PKHD1L1: variants seen among roughly 807,000 people sequenced by gnomAD.
PKHD1L1 encodes the protein fibrocystin-L.
Under a neutral mutation model 462.9 loss-of-function variants are expected in PKHD1L1, and 434 were observed. The observed-to-expected ratio is 0.94, with a 90% CI of 0.87 to 1.02. The LOEUF is 1.02. Among genes scored for constraint, PKHD1L1 ranks in the 50% least tolerant of loss-of-function variants. The probability of loss-of-function intolerance (pLI) is 0.00; values close to 1 mark genes in which losing one functional copy is unlikely to be tolerated. For synonymous variants in PKHD1L1, 1,781 were observed against 1,750.0 expected, an observed-to-expected ratio of 1.02 and a Z score of -0.44; for missense variants, 5,202 against 5,096.1, an observed-to-expected ratio of 1.02 and a Z score of -0.63.
At chr8:109,513,022 C>T (rs2130996547) in intron 71 of PKHD1L1, among the ~76,000 whole-genome samples, 1 of 151,794 alleles carries the variant, frequency 6.6e-6, no homozygotes, top group Non-Finnish European at 1.5e-5. Context: ...TATAAGAATG[C>T]TTGTGATTTT....
In PKHD1L1 at chr8:109,382,597, T is replaced by C. The variant is rs1456539939; in HGVS notation, c.417+26T>C. 3 of 1,563,352 alleles carry C rather than the reference T, an allele frequency of 1.9e-6. No individual in the cohort carries two copies. The East Asian group carries it at 7.0e-5, about 36-fold the overall frequency. Reference sequence around the variant, plus strand: ...GTATGTAGGAATCTTCTCTTCAGTTTATGTATAGTTGATCTTGCTTTCTTT... The same window carrying C: ...GTATGTAGGAATCTTCTCTTCAGTTCATGTATAGTTGATCTTGCTTTCTTT... On this transcript the variant is annotated intron_variant, in intron 4 of 77. Transcript: ENST00000378402.
intron 56 of PKHD1L1, among the ~76,000 whole-genome samples, chr8:109,481,906 T>C (rs1818293674): frequency 6.6e-6 from 1 of 151,840 alleles, no homozygotes; most frequent in African/African-American, 2.4e-5. Context: ...GTTTTCTTTA[T>C]GTAAGCAATA....
chr8:109,474,264 G>C (rs1057063840), intron 50 of PKHD1L1, among the ~76,000 whole-genome samples: 1 of 152,058 alleles, frequency 6.6e-6, no homozygotes, highest in Non-Finnish European at 1.5e-5. Context: ...AAAATAAGAG[G>C]TTGTTACTTT....
intron 38 of PKHD1L1, among the ~76,000 whole-genome samples, chr8:109,445,887 T>A (rs1359193750): frequency 2.0e-5 from 3 of 152,210 alleles, no homozygotes; most frequent in Admixed American, 2.0e-4. Context: ...CCCATTAACC[T>A]GACCTAAATT....
intron 32 of PKHD1L1, among the ~76,000 whole-genome samples, chr8:109,439,571 C>G (rs566631023): frequency 7.9e-5 from 12 of 152,190 alleles, no homozygotes; most frequent in Admixed American, 7.2e-4. Context: ...AGAGAGCTAA[C>G]TTATCCTGAG....
In PKHD1L1 at chr8:109,362,547, C is replaced by G. The variant is rs1364536633; in HGVS notation, c.-34C>G. On this transcript the variant is annotated 5_prime_UTR_variant, in exon 1 of 78. Transcript: ENST00000378402. ...CTCCAGCACTAGAGCCAGCTGCGAG[C>G]GGAGGGCACCAACTCCGCAGAACTG... The G allele has an allele frequency of 1.3e-6, 2 of 1,568,460 alleles. No individual in the cohort carries two copies. The highest frequency in any genetic ancestry group is 1.7e-6 in the Non-Finnish European group (2 of 1,153,198).
chr8:109,465,351 A>G, intron 49 of PKHD1L1, 106 bp downstream of exon 49: 1 of 1,180,976 alleles, frequency 8.5e-7, no homozygotes, highest in Non-Finnish European at 1.2e-6. Context: ...GATCTTACCC[A>G]ATAGCAAACT....
chr8:109,411,773 A>T (rs1429208589), intron 19 of PKHD1L1, among the ~76,000 whole-genome samples: 1 of 152,012 alleles, frequency 6.6e-6, no homozygotes, highest in Admixed American at 6.6e-5. Flanking sequence ...TAAAGACTTA[A>T]CTCATTTGTC....
chr8:109,438,614 T>C (rs1815579599), intron 31 of PKHD1L1, among the ~76,000 whole-genome samples, 158 bp downstream of exon 31: 1 of 152,142 alleles, frequency 6.6e-6, no homozygotes, highest in African/African-American at 2.4e-5. Context: ...TTAATCTATT[T>C]ATTATTTTAT....
Position 109,475,258 on chromosome 8 carries a change from T to C in PKHD1L1, c.8746T>C (p.Tyr2916His), listed in dbSNP as rs992669204. ...ITNISYTSTF[Y>H]GFKEEDYVII... ...CAACATTTCATATACATCGACATTCTATGGATTCAAGGTAAAAATATTTAT... is the reference window on the plus strand; with the variant it reads ...CAACATTTCATATACATCGACATTCCATGGATTCAAGGTAAAAATATTTAT... The change falls in exon 51 of 78, where the codon TAT (tyrosine) becomes CAT (histidine). Residue 2916 changes from tyrosine to histidine, a missense_variant. Physicochemically the swap from Tyr to His is moderately conservative, Grantham distance 83 (BLOSUM62 2). Around this residue, in one of 3 missense-constraint regions of PKHD1L1, gnomAD observed 4,497 missense variants for 4,336.8 expected, o/e 1.04. Transcript: ENST00000378402. The C allele has an allele frequency of 6.2e-7, 1 of 1,604,704 alleles. No individual in the cohort carries two copies. Among genetic ancestry groups the C allele is most frequent in the African/African-American group, 1.3e-5 (1 of 74,642 alleles).
At chr8:109,452,918 A>G in intron 43 of PKHD1L1, 44 bp downstream of exon 43, 4 of 1,282,526 alleles carry the variant, frequency 3.1e-6, no homozygotes, top group Non-Finnish European at 4.0e-6. Flanking sequence ...CCTGATAAAT[A>G]TTTCTGTGAA....
At chr8:109,391,693 C>G (rs1812720833) in intron 9 of PKHD1L1, among the ~76,000 whole-genome samples, 1 of 152,066 alleles carries the variant, frequency 6.6e-6, no homozygotes, top group South Asian at 2.1e-4. Flanking sequence ...TCTTTTTTGT[C>G]TCTGAACAAT....
chr8:109,450,638 C>G lies in PKHD1L1; in HGVS notation c.6176-337C>G, dbSNP rs1434069578. On this transcript the variant is annotated intron_variant, in intron 40 of 77. Transcript: ENST00000378402. ...TCACTCCTTGCTGTTGTCAGTGTGC[C>G]TGCCTTTAAGCAGTTCTTCCCTCCT... 4.6e-5 allele frequency among the ~76,000 whole-genome samples: 7 copies of G among 152,126 alleles called. No individual in the cohort carries two copies. The South Asian group carries it at 1.2e-3, about 27-fold the overall frequency.
intron 1 of PKHD1L1, among the ~76,000 whole-genome samples, chr8:109,364,302 G>A (rs965745367): frequency 2.6e-5 from 4 of 152,158 alleles, no homozygotes; most frequent in Admixed American, 1.3e-4. Context: ...AAATGATCAC[G>A]TGTTATTTTT....
intron 38 of PKHD1L1, among the ~76,000 whole-genome samples, chr8:109,446,423 A>G (rs1816143860): frequency 6.6e-6 from 1 of 152,222 alleles, no homozygotes; most frequent in African/African-American, 2.4e-5. Flanking sequence ...AGGTACATAC[A>G]TTATAAAGTT....
chr8:109,412,399 G>A lies in PKHD1L1; in HGVS notation c.2220G>A (p.Leu740=). The A allele has an allele frequency of 6.2e-7, 1 of 1,611,602 alleles. No homozygotes were observed. Among genetic ancestry groups the A allele is most frequent in the Non-Finnish European group, 8.5e-7 (1 of 1,178,722 alleles). Residue 740 remains leucine (L), a synonymous_variant, in exon 20 of 78, where the codon TTG becomes TTA. Transcript: ENST00000378402. ...PNRRPYGDIL[L]FPYNQLCLAY... is the part of the protein sequence containing the mutation. ...GACGACCATATGGAGATATTTTATT[G>A]TTTCCTTATAATCAGGTAAGCTCAA...
chr8:109,426,542 T>G (rs1325922024), intron 24 of PKHD1L1, among the ~76,000 whole-genome samples: 1 of 152,154 alleles, frequency 6.6e-6, no homozygotes, highest in Non-Finnish European at 1.5e-5. Flanking sequence ...AGAAGTAGAA[T>G]GCAAATTTTA....
At position 109,534,347 on chromosome 8, in the gene PKHD1L1, C is replaced by T. The variant is rs1821104398; in HGVS notation, c.*4257C>T. On this transcript the variant is annotated 3_prime_UTR_variant, in exon 78 of 78. Coordinates refer to ENST00000378402, the MANE Select transcript of PKHD1L1 (RefSeq NM_177531.6). The stretch of plus-strand genomic sequence containing the variant: ...GCATGGTGGCGGGCACCTGTAGTCT[C>T]AGCTAGTCGGGAGGCTGAGGCAGGA... 6.6e-6 allele frequency among the ~76,000 whole-genome samples: 1 copy of T among 152,150 alleles called. No homozygotes were observed. The highest frequency in any genetic ancestry group is 2.4e-5 in the African/African-American group (1 of 41,424).
rs1252533808 is a variant in PKHD1L1 at position 109,436,575 on chromosome 8, G to A, written c.3627+116G>A. The A allele has an allele frequency of 4.1e-6, 6 of 1,466,624 alleles. No homozygotes were observed. In the Admixed American group the frequency reaches 1.1e-4, roughly 27 times the overall value. 90.9% of individuals were successfully genotyped at this position (1,466,624 alleles called of 1,614,324 possible). ...TGGTGTATTTACTTAGGAACTGCAG[G>A]GTTTCTATTATGCTCCTTAAAACTT... On this transcript the variant is annotated intron_variant, in intron 30 of 77. Coordinates refer to ENST00000378402, the MANE Select transcript of PKHD1L1 (RefSeq NM_177531.6).
Sources: allele counts gnomAD v4.1 joint callset (sites outside exome capture counted in the v4.1 genomes callset), GRCh38; gene constraint gnomAD v4.1.1; regional missense constraint gnomAD v4.1.1; transcripts MANE v1.5; gene names NCBI Gene and HGNC (gene_info 2026-07-23, HGNC 2026-07-21).